The following NSMCE2 variants were observed in gnomAD, a reference collection of about 807,000 sequenced individuals.
NSMCE2 encodes E3 SUMO-protein ligase NSE2.
Under a neutral mutation model 23.8 loss-of-function variants are expected in NSMCE2, and 24 were observed. The ratio of observed to expected loss-of-function variants is 1.01; its 90% CI spans 0.73 to 1.42. The LOEUF (loss-of-function observed/expected upper bound fraction) is 1.42. NSMCE2 is among the 40% of genes most tolerant of loss of function. The pLI is 0.00. For synonymous variants in NSMCE2, 92 were observed against 94.1 expected (o/e 0.98, Z 0.13); for missense variants, 284 against 296.5 (o/e 0.96, Z 0.31).
At chr8:125,141,106 A>G (rs996112588) in intron 3 of NSMCE2, among the ~76,000 whole-genome samples, 1 of 152,174 alleles carries the variant, frequency 6.6e-6, no homozygotes, top group Admixed American at 6.6e-5. Context: ...TATTAATTGA[A>G]TTCATATACT....
At chr8:125,300,675 A>G (rs1284587299) in intron 5 of NSMCE2, among the ~76,000 whole-genome samples, 1 of 152,172 alleles carries the variant, frequency 6.6e-6, no homozygotes, top group Non-Finnish European at 1.5e-5. Context: ...TGGAGTAGGA[A>G]CAGGTGGTCT....
chr8:125,331,898 G>A (rs1489037549), intron 5 of NSMCE2, among the ~76,000 whole-genome samples: 1 of 152,212 alleles, frequency 6.6e-6, no homozygotes, highest in Non-Finnish European at 1.5e-5. Flanking sequence ...ACTTCAGTCA[G>A]ATATGGCCTG....
intron 4 of NSMCE2, among the ~76,000 whole-genome samples, chr8:125,154,773 A>C (rs1284630809): frequency 6.6e-6 from 1 of 152,148 alleles, no homozygotes; most frequent in African/African-American, 2.4e-5. Context: ...ACAGATACAC[A>C]CTTTTTTTTA....
At chr8:125,134,404 G>A (rs2130582800) in intron 3 of NSMCE2, among the ~76,000 whole-genome samples, 1 of 152,236 alleles carries the variant, frequency 6.6e-6, no homozygotes, top group Non-Finnish European at 1.5e-5. Flanking sequence ...GAACTCTATA[G>A]TCGCTCCCCA....
At chr8:125,122,627 C>CT (rs1363433931) in intron 3 of NSMCE2, among the ~76,000 whole-genome samples, 3 of 152,098 alleles carry the variant, frequency 2.0e-5, no homozygotes, top group Admixed American at 1.3e-4. Flanking sequence ...TAAGTATCAT[C>CT]TTTTTTCTGC....
chr8:125,121,652 G>A (rs932754658), intron 3 of NSMCE2, among the ~76,000 whole-genome samples: 3 of 152,130 alleles, frequency 2.0e-5, no homozygotes, highest in African/African-American at 7.2e-5. Context: ...GTATCCCATA[G>A]GCATACATCT....
At chr8:125,295,625 A>G (rs1828292556) in intron 5 of NSMCE2, among the ~76,000 whole-genome samples, 1 of 152,200 alleles carries the variant, frequency 6.6e-6, no homozygotes, top group Non-Finnish European at 1.5e-5. Flanking sequence ...CTGAGAGTGG[A>G]TCATTAACCC....
Position 125,182,261 on chromosome 8 carries a change from G to A in NSMCE2, c.418+5G>A. ...TGAAAGAACTAAAGAAGCAATGTAA[G>A]TCAACATGCTTTGCTTTGGTTCGGC... On this transcript the variant is annotated splice_donor_5th_base_variant and intron_variant, in intron 5 of 7. Coordinates refer to ENST00000287437, the MANE Select transcript of NSMCE2 (RefSeq NM_173685.4). 1 of 1,596,344 alleles carries A rather than the reference G, an allele frequency of 6.3e-7. No individual in the cohort carries two copies.
rs568237347 is a variant in NSMCE2 at position 125,121,524 on chromosome 8, CAGG to C, written c.157+19040_157+19042del. Among the ~76,000 whole-genome samples the C allele has an allele frequency of 3.1e-3, 468 of 152,258 alleles. 3 individuals are homozygous for C. The highest frequency in any genetic ancestry group is 0.011 in the African/African-American group (451 of 41,552). On this transcript the variant is annotated intron_variant, in intron 3 of 7. Coordinates refer to ENST00000287437, the MANE Select transcript of NSMCE2 (RefSeq NM_173685.4). ...GGCAAATAGGTATCCATGCAAAGATCAGGAGAACTACATGGTAGTAAGTAATGT... is the reference window on the plus strand; with the variant it reads ...GGCAAATAGGTATCCATGCAAAGATCAGAACTACATGGTAGTAAGTAATGT...
chr8:125,317,042 C>G (rs1829238032), intron 5 of NSMCE2, among the ~76,000 whole-genome samples: 1 of 151,788 alleles, frequency 6.6e-6, no homozygotes, highest in Non-Finnish European at 1.5e-5. Flanking sequence ...CCTGCCTTGG[C>G]CTCCCAAAGT....
chr8:125,157,304 T>C (rs942963985), intron 4 of NSMCE2, among the ~76,000 whole-genome samples: 22 of 152,226 alleles, frequency 1.4e-4, no homozygotes, highest in African/African-American at 5.1e-4. Flanking sequence ...ACCTCTTCTC[T>C]ACTCGCTGCA....
chr8:125,312,086 A>AG (rs1828993524), intron 5 of NSMCE2, among the ~76,000 whole-genome samples: 2 of 149,994 alleles, frequency 1.3e-5, no homozygotes, highest in Non-Finnish European at 3.0e-5. Context: ...AAAAAAAAAA[A>AG]AAAAAAAGAA....
intron 3 of NSMCE2, among the ~76,000 whole-genome samples, chr8:125,105,913 A>G (rs1248017495): frequency 1.3e-5 from 2 of 152,160 alleles, no homozygotes; most frequent in Non-Finnish European, 2.9e-5. Flanking sequence ...CAAAAAAGTT[A>G]ATTTAAGAAA....
intron 5 of NSMCE2, among the ~76,000 whole-genome samples, chr8:125,257,325 C>G (rs1359409646): frequency 6.6e-6 from 1 of 151,354 alleles, no homozygotes; most frequent in Non-Finnish European, 1.5e-5. Context: ...GAAAATGTGC[C>G]CACAAAAGAG....
intron 3 of NSMCE2, among the ~76,000 whole-genome samples, chr8:125,148,766 G>T (rs1039566535): frequency 6.6e-6 from 1 of 152,114 alleles, no homozygotes; most frequent in Admixed American, 6.5e-5. Context: ...GGTAAGGCTG[G>T]TGTGAAACCA....
chr8:125,339,859 T>C (rs1282425339), intron 5 of NSMCE2, among the ~76,000 whole-genome samples: 1 of 152,156 alleles, frequency 6.6e-6, no homozygotes, highest in African/African-American at 2.4e-5. Flanking sequence ...CCTCTGTGCC[T>C]GGGAAATGGG....
chr8:125,119,172 G>A (rs191903190), intron 3 of NSMCE2, among the ~76,000 whole-genome samples: 24 of 152,176 alleles, frequency 1.6e-4, no homozygotes, highest in Admixed American at 2.6e-4. Flanking sequence ...TCCTGTTACC[G>A]TGGAATCTCA....
chr8:125,151,505 C>G (rs1821027691), intron 4 of NSMCE2: 1 of 339,448 alleles, frequency 2.9e-6, no homozygotes, highest in African/African-American at 2.1e-5. Flanking sequence ...AGATTGCTTG[C>G]AATTTTTTGT....
At chr8:125,196,219 A>G (rs1018246207) in intron 5 of NSMCE2, among the ~76,000 whole-genome samples, 12 of 94,492 alleles carry the variant, frequency 1.3e-4, no homozygotes, top group Non-Finnish European at 1.7e-4. Flanking sequence ...TTTTTTTTTT[A>G]TACTTTAAGT....
Sources: allele counts gnomAD v4.1 joint callset (sites outside exome capture counted in the v4.1 genomes callset), GRCh38; gene constraint gnomAD v4.1.1; transcripts MANE v1.5; gene names NCBI Gene and HGNC (gene_info 2026-07-23, HGNC 2026-07-21).